COL4A3: variants seen among roughly 807,000 people sequenced by gnomAD.
COL4A3 encodes collagen alpha-3(IV) chain.
In COL4A3, 135 loss-of-function variants were observed where a neutral mutation model predicts 217.4. That is an observed-to-expected ratio of 0.62 (90% CI 0.54 to 0.72). The LOEUF is 0.72. Ranked by LOEUF, COL4A3 falls within the 30% of genes least tolerant of loss-of-function variation. The probability of loss-of-function intolerance (pLI) is 0.00; values close to 1 mark genes in which losing one functional copy is unlikely to be tolerated. For missense variants in COL4A3, 1,868 were observed against 2,119.9 expected (o/e 0.88, Z 2.33); for synonymous variants, 690 against 736.3 (o/e 0.94, Z 1.02).
At chr2:227,287,441 A>C (rs2072405500) in intron 34 of COL4A3, among the ~76,000 whole-genome samples, 1 of 152,338 alleles carries the variant, frequency 6.6e-6, no homozygotes, top group South Asian at 2.1e-4. Context: ...AAAAAAAAAA[A>C]AATGTAAAAC....
chr2:227,305,182 A>C, intron 47 of COL4A3, 99 bp downstream of exon 47: 1 of 996,568 alleles, frequency 1.0e-6, no homozygotes, highest in South Asian at 1.4e-5. Context: ...TAGGCCTTTG[A>C]GTTTATGTTG....
chr2:227,270,003 C>A, intron 24 of COL4A3, 23 bp downstream of exon 24: 2 of 1,600,720 alleles, frequency 1.2e-6, no homozygotes, highest in South Asian at 1.1e-5. Context: ...GTTTTTAAAT[C>A]TTTAGCTTCA....
At chr2:227,188,569 C>T (rs2066117780) in intron 1 of COL4A3, among the ~76,000 whole-genome samples, 1 of 152,032 alleles carries the variant, frequency 6.6e-6, no homozygotes, top group African/African-American at 2.4e-5. Flanking sequence ...TTCTGTGGCT[C>T]ATGGAATCAA....
At chr2:227,267,949 C>CT (rs945019930) in intron 23 of COL4A3, among the ~76,000 whole-genome samples, 6 of 152,226 alleles carry the variant, frequency 3.9e-5, no homozygotes, top group African/African-American at 1.4e-4. Context: ...ACCTCCCCGT[C>CT]TTCAGTCACA....
intron 4 of COL4A3, 159 bp from the exon 5 acceptor site, chr2:227,244,792 G>T (rs755621681): frequency 1.2e-6 from 1 of 822,476 alleles, no homozygotes; most frequent in Admixed American, 1.7e-5. Flanking sequence ...ACAAAAGTTT[G>T]TTAAACCTTT....
chr2:227,298,228 TG>T (rs748880500), intron 42 of COL4A3, among the ~76,000 whole-genome samples: 41 of 152,108 alleles, frequency 2.7e-4, no homozygotes, highest in Non-Finnish European at 5.0e-4. Context: ...GGTGCATGCC[TG>T]TAATACCGGC....
rs761558217 is a variant in COL4A3 at position 227,253,485 on chromosome 2, G to A, written c.688-76G>A. Reference sequence around the variant, plus strand: ...GTATAAGCACTAAAGGGGAAAAGTAGACCTTTCAAACGTAGTAACATTGAA... The same window carrying A: ...GTATAAGCACTAAAGGGGAAAAGTAAACCTTTCAAACGTAGTAACATTGAA... On this transcript the variant is annotated intron_variant, in intron 12 of 51. Coordinates refer to ENST00000396578, the MANE Select transcript of COL4A3 (RefSeq NM_000091.5). The surrounding 1 kb of genome is among the most constrained non-coding windows in gnomAD (Gnocchi z 4.4). The A allele has an allele frequency of 9.1e-6, 13 of 1,425,460 alleles. No individual in the cohort carries two copies. Among genetic ancestry groups the A allele is most frequent in the Non-Finnish European group, 1.2e-5 (12 of 1,007,930 alleles). 88.3% of individuals were successfully genotyped at this position (1,425,460 alleles called of 1,614,324 possible).
rs1391621837 is a variant in COL4A3 at position 227,297,657 on chromosome 2, A to G, written c.3566-17A>G. The G allele has an allele frequency of 6.3e-7, 1 of 1,599,234 alleles. No individual in the cohort carries two copies. The highest frequency in any genetic ancestry group is 8.5e-7 in the Non-Finnish European group (1 of 1,173,900). On this transcript the variant is annotated splice_polypyrimidine_tract_variant and intron_variant, in intron 41 of 51. Coordinates refer to ENST00000396578, the MANE Select transcript of COL4A3 (RefSeq NM_000091.5). ...ATATGGGCATTAAAGAAACTTATTA[A>G]GCCTTCTTCTTTGCAGGAGCCAAAG...
rs1442884902 is a variant in COL4A3 at position 227,280,881 on chromosome 2, T to C, written c.2375-12T>C. 1.9e-6 allele frequency: 3 copies of C among 1,541,172 alleles called. No individual in the cohort carries two copies. The highest frequency in any genetic ancestry group is 1.7e-4 in the Middle Eastern group (1 of 5,974). ...CTAGCACCTGGGTATATACTTGTGC[T>C]TTCTTTTGCAGGAGATCCAGGGCAG... On this transcript the variant is annotated splice_polypyrimidine_tract_variant and intron_variant, in intron 30 of 51. Transcript: ENST00000396578.
At chr2:227,307,135 TATAA>T (rs1263353930) in intron 47 of COL4A3, among the ~76,000 whole-genome samples, 1 of 152,090 alleles carries the variant, frequency 6.6e-6, no homozygotes. Flanking sequence ...TTTTAACTCA[TATAA>T]ATAAACTAAC....
At chr2:227,294,675 G>A (rs1416980217) in intron 39 of COL4A3, 105 bp downstream of exon 39, 5 of 886,592 alleles carry the variant, frequency 5.6e-6, no homozygotes, top group Non-Finnish European at 9.3e-6. Flanking sequence ...GTAGCTCCTA[G>A]TTACTCAGTA....
At position 227,255,980 on chromosome 2, in the gene COL4A3, A is replaced by C. The variant is rs1331376694; in HGVS notation, c.889-46A>C. The C allele has an allele frequency of 4.4e-6, 7 of 1,580,992 alleles. No individual in the cohort carries two copies. The South Asian group carries it at 7.8e-5, about 18-fold the overall frequency. Reference sequence around the variant, plus strand: ...TTAAGATTTCCGTATTTGTAAAGTTAGCCATATTTATTACATTTCATGTTT... The same window carrying C: ...TTAAGATTTCCGTATTTGTAAAGTTCGCCATATTTATTACATTTCATGTTT... On this transcript the variant is annotated intron_variant, in intron 15 of 51. Coordinates refer to ENST00000396578, the MANE Select transcript of COL4A3 (RefSeq NM_000091.5).
chr2:227,248,359 A>G (rs749276331), intron 8 of COL4A3, 84 bp from the exon 9 acceptor site: 1 of 848,630 alleles, frequency 1.2e-6, no homozygotes. Context: ...TTTATCTTTG[A>G]AGAAATATAA....
chr2:227,254,825 C>T, intron 15 of COL4A3, 110 bp downstream of exon 15: 1 of 824,016 alleles, frequency 1.2e-6, no homozygotes, highest in Non-Finnish European at 2.1e-6. Flanking sequence ...CTAAAAATTT[C>T]TGTTCTTTAA....
Position 227,238,044 on chromosome 2 carries a change from C to G in COL4A3, c.144+20C>G. The G allele has an allele frequency of 6.6e-7, 1 of 1,510,114 alleles. No individual in the cohort carries two copies. Among genetic ancestry groups the G allele is most frequent in the Non-Finnish European group, 9.2e-7 (1 of 1,085,080 alleles). The allele number at this position is 1,510,114 out of a possible 1,614,324, so 93.5% of individuals were successfully genotyped here. A position where few individuals can be genotyped will look rare whatever the true frequency, so the allele number is the denominator to read the frequency against. On this transcript the variant is annotated intron_variant, in intron 2 of 51. Transcript: ENST00000396578. Reference sequence around the variant, plus strand: ...GAGAAGGTAAAAACAAACCCTAATACTGCTTGTTTACACTGTAAAGCTCTA... The same window carrying G: ...GAGAAGGTAAAAACAAACCCTAATAGTGCTTGTTTACACTGTAAAGCTCTA...
chr2:227,309,173 A>C (rs776795816), intron 49 of COL4A3, 31 bp from the exon 50 acceptor site: 1 of 1,612,384 alleles, frequency 6.2e-7, no homozygotes, highest in East Asian at 2.2e-5. Flanking sequence ...GAAAGTGGCA[A>C]TGCCGCCATA....
chr2:227,203,390 T>TATATATGTGTATACATAC, intron 1 of COL4A3, among the ~76,000 whole-genome samples: 2 of 62,082 alleles, frequency 3.2e-5, no homozygotes, highest in Non-Finnish European at 6.1e-5. Flanking sequence ...CATATATGTG[T>TATATATGTGTATACATAC]ATATATGTGT....
intron 1 of COL4A3, chr2:227,169,308 G>A (rs2065393640): frequency 6.6e-6 from 1 of 151,332 alleles, no homozygotes; most frequent in South Asian, 2.1e-4. Context: ...TATTTGGGTT[G>A]GTTCCAAGTC....
intron 27 of COL4A3, 123 bp from the exon 28 acceptor site, chr2:227,277,322 GAAAA>G (rs59353048): frequency 0.011 from 5,730 of 534,550 alleles, no homozygotes; most frequent in Non-Finnish European, 0.012. Context: ...CCATCAACAG[GAAAA>G]AAAAAAAAAA....
Sources: gnomAD v4.1 joint callset for allele counts (sites outside exome capture counted in the v4.1 genomes callset) on GRCh38, gnomAD v4.1.1 for gene constraint, Gnocchi (gnomAD v3.1) non-coding constraint, MANE v1.5 for transcripts, NCBI Gene and HGNC (gene_info 2026-07-23, HGNC 2026-07-21) for gene names.